HIVEP2: variants seen among roughly 807,000 people sequenced by gnomAD.
HIVEP2 encodes transcription factor HIVEP2.
HIVEP2 carries 14 observed loss-of-function variants against 180.7 expected under a neutral mutation model. The ratio of observed to expected loss-of-function variants is 0.08; its 90% CI spans 0.05 to 0.12. The LOEUF (loss-of-function observed/expected upper bound fraction) is 0.12, where lower values mean the gene tolerates loss of function less well. HIVEP2 is among the 10% of genes least tolerant of loss of function. HIVEP2 has a pLI of 1.00. For missense variants in HIVEP2, 2,579 were observed against 3,008.5 expected, an observed-to-expected ratio of 0.86 and a Z score of 3.34; for synonymous variants, 1,184 against 1,136.4, an observed-to-expected ratio of 1.04 and a Z score of -0.84.
At chr6:142,874,039 T>C (rs1776364852) in intron 1 of HIVEP2, among the ~76,000 whole-genome samples, 1 of 152,194 alleles carries the variant, frequency 6.6e-6, no homozygotes, top group South Asian at 2.1e-4. Flanking sequence ...CCATTTGCTA[T>C]TAAAAGAACC....
rs981210406 is a variant in HIVEP2 at position 142,891,762 on chromosome 6, C to T, written c.-641+53337G>A. Among the ~76,000 whole-genome samples, 11 of 152,182 alleles carry T rather than the reference C, an allele frequency of 7.2e-5. 1 individual carries two copies. In the South Asian group the frequency reaches 1.0e-3, roughly 14 times the overall value. Reference sequence around the variant, plus strand: ...CTCTTATTCTGCAATTCAGCTAATTCGGCAACATCGCTGAGACACGGCCCC... The same window carrying T: ...CTCTTATTCTGCAATTCAGCTAATTTGGCAACATCGCTGAGACACGGCCCC... On this transcript the variant is annotated intron_variant, in intron 1 of 9. Transcript: ENST00000367603.
intron 9 of HIVEP2, among the ~76,000 whole-genome samples, chr6:142,755,968 ATTGTT>A (rs534258489): frequency 5.1e-4 from 77 of 152,282 alleles, no homozygotes; most frequent in Admixed American, 8.5e-4. Context: ...TTGCAATCCT[ATTGTT>A]TTGTAATTTG....
At chr6:142,874,871 G>A (rs1776389228) in intron 1 of HIVEP2, among the ~76,000 whole-genome samples, 1 of 152,188 alleles carries the variant, frequency 6.6e-6, no homozygotes, top group Admixed American at 6.5e-5. Flanking sequence ...TGACACCTTT[G>A]GTTTACAGAT....
At chr6:142,758,192 A>T (rs896425660) in intron 9 of HIVEP2, among the ~76,000 whole-genome samples, 1 of 152,224 alleles carries the variant, frequency 6.6e-6, no homozygotes, top group African/African-American at 2.4e-5. Flanking sequence ...AAACCTGTGG[A>T]AATGTATCTC....
rs893464092 is a variant in HIVEP2 at position 142,772,885 on chromosome 6, G to A, written c.1854C>T (p.Ile618=). 2.0e-5 allele frequency: 32 copies of A among 1,614,040 alleles called. No homozygotes were observed. The highest frequency in any genetic ancestry group is 1.6e-4 in the Middle Eastern group (1 of 6,084). Residue 618 remains isoleucine (I), a synonymous_variant, in exon 5 of 10, where the codon ATC becomes ATT. Coordinates refer to ENST00000367603, the MANE Select transcript of HIVEP2 (RefSeq NM_006734.4). This position sits in a 1 kb window ranked among gnomAD's most constrained non-coding sequence, Gnocchi z 4.9. ...VEHHGRMLKG[I]SSSSLKEKKL... The stretch of plus-strand genomic sequence containing the variant: ...TCTTTTCCTTCAGGGATGAACTGCT[G>A]ATACCCTTCAACATCCTGCCATGGT...
intron 1 of HIVEP2, among the ~76,000 whole-genome samples, chr6:142,904,686 C>A (rs892624935): frequency 2.0e-5 from 3 of 152,048 alleles, no homozygotes; most frequent in African/African-American, 7.2e-5. Flanking sequence ...CCCTTTTTAC[C>A]CTTTAAAAGA....
At chr6:142,834,002 A>G (rs1775160301) in intron 2 of HIVEP2, among the ~76,000 whole-genome samples, 1 of 152,242 alleles carries the variant, frequency 6.6e-6, no homozygotes, top group Admixed American at 6.5e-5. Flanking sequence ...TTTGAAGGCC[A>G]CAATATACTG....
intron 1 of HIVEP2, among the ~76,000 whole-genome samples, chr6:142,877,459 A>C (rs1454704921): frequency 1.3e-5 from 2 of 152,200 alleles, no homozygotes; most frequent in Admixed American, 6.5e-5. Flanking sequence ...GTAATATCAC[A>C]GTTCAGAACT....
Position 142,770,498 on chromosome 6 carries a change from G to A in HIVEP2, c.4241C>T (p.Pro1414Leu). ...YPIWKAPQTL[P>L]LGLESSIPLC... ...GGGGATGGAGGATTCTAAGCCGAGG[G>A]GCAAAGTCTGAGGTGCTTTCCAAAT... Residue 1414 changes from proline to leucine, a missense_variant, in exon 5 of 10, where the codon CCC becomes CTC. This residue lies in a region of HIVEP2 where 523 missense variants were observed against 577.0 expected (regional missense o/e 0.91). Coordinates refer to ENST00000367603, the MANE Select transcript of HIVEP2 (RefSeq NM_006734.4). This position sits in a 1 kb window ranked among gnomAD's most constrained non-coding sequence, Gnocchi z 4.7. 1 of 1,614,158 alleles carries A rather than the reference G, an allele frequency of 6.2e-7. No individual in the cohort carries two copies.
Position 142,770,704 on chromosome 6 carries a change from A to G in HIVEP2, c.4035T>C (p.Tyr1345=), listed in dbSNP as rs1024525053. The G allele has an allele frequency of 1.2e-6, 2 of 1,614,106 alleles. No individual in the cohort carries two copies. The highest frequency in any genetic ancestry group is 1.7e-6 in the Non-Finnish European group (2 of 1,180,046). The change falls in exon 5 of 10, where the codon TAT becomes TAC. Residue 1345 remains tyrosine (Y), a synonymous_variant. Coordinates refer to ENST00000367603, the MANE Select transcript of HIVEP2 (RefSeq NM_006734.4). This position sits in a 1 kb window ranked among gnomAD's most constrained non-coding sequence, Gnocchi z 4.7. ...PVRIQTHVPS[Y]GSVMYTSISQ... ...AAATGCTTGTGTACATGACACTTCC[A>G]TAGGATGGTACGTGCGTCTGGATCC... is the stretch of plus-strand genomic sequence containing the variant.
In HIVEP2 at chr6:142,857,496, T is replaced by C. The variant is rs114554910; in HGVS notation, c.-640-20449A>G. On this transcript the variant is annotated intron_variant, in intron 1 of 9. Coordinates refer to ENST00000367603, the MANE Select transcript of HIVEP2 (RefSeq NM_006734.4). ...AATTATGCCTGCCTGTCTATAGGTT[T>C]GTCAGCTAAAGAAATCCACAGACGG... 5.1e-3 allele frequency among the ~76,000 whole-genome samples: 781 copies of C among 152,302 alleles called. 6 individuals are homozygous for C. Among genetic ancestry groups the C allele is most frequent in the African/African-American group, 0.016 (681 of 41,550 alleles).
At position 142,914,550 on chromosome 6, in the gene HIVEP2, T is replaced by C. The variant is rs535715551; in HGVS notation, c.-641+30549A>G. Reference sequence around the variant, plus strand: ...CAGACAATCAACACATTTTTACTCATAAACTGTGTGTTAAAATGATGGCTG... The same window carrying C: ...CAGACAATCAACACATTTTTACTCACAAACTGTGTGTTAAAATGATGGCTG... On this transcript the variant is annotated intron_variant, in intron 1 of 9. Coordinates refer to ENST00000367603, the MANE Select transcript of HIVEP2 (RefSeq NM_006734.4). Among the ~76,000 whole-genome samples the C allele has an allele frequency of 3.6e-4, 55 of 152,332 alleles. No individual in the cohort carries two copies. In the South Asian group the frequency reaches 7.2e-3, roughly 20 times the overall value.
intron 6 of HIVEP2, among the ~76,000 whole-genome samples, chr6:142,765,741 T>C (rs968383836): frequency 6.6e-6 from 1 of 152,232 alleles, no homozygotes; most frequent in Admixed American, 6.5e-5. Context: ...TCTTGCTTAA[T>C]CAAATCGGCT....
At chr6:142,919,930 CA>C (rs1217208572) in intron 1 of HIVEP2, among the ~76,000 whole-genome samples, 1 of 152,140 alleles carries the variant, frequency 6.6e-6, no homozygotes, top group Non-Finnish European at 1.5e-5. Flanking sequence ...TTAACCTATT[CA>C]AAGGATGTAA....
At chr6:142,926,301 T>C (rs547584192) in intron 1 of HIVEP2, among the ~76,000 whole-genome samples, 1 of 152,318 alleles carries the variant, frequency 6.6e-6, no homozygotes, top group East Asian at 1.9e-4. Context: ...TAGTATTCTT[T>C]TAAACCAAAT....
At chr6:142,839,760 C>G (rs996002400) in intron 1 of HIVEP2, among the ~76,000 whole-genome samples, 6 of 152,066 alleles carry the variant, frequency 3.9e-5, no homozygotes, top group African/African-American at 1.4e-4. Flanking sequence ...ACCACACTCT[C>G]GAGTAAGCCT....
Position 142,819,042 on chromosome 6 carries a change from G to A in HIVEP2, c.-528+17893C>T, listed in dbSNP as rs1776951928. 2.8e-5 allele frequency among the ~76,000 whole-genome samples: 4 copies of A among 143,314 alleles called. No homozygotes were observed. In the South Asian group the frequency reaches 9.5e-4, roughly 34 times the overall value. 94.0% of individuals were successfully genotyped at this position (143,314 alleles called of 152,430 possible). A position where few individuals can be genotyped will look rare whatever the true frequency, so the allele number is the denominator to read the frequency against. ...GAAGGGAGGCAGGGAAGAAGGGAGA[G>A]AGGGAGGGAGGGCGGGAAGGAGGGA... On this transcript the variant is annotated intron_variant, in intron 2 of 9. Transcript: ENST00000367603.
rs548569877 is a variant in HIVEP2 at position 142,760,557 on chromosome 6, T to C, written c.5731A>G (p.Asn1911Asp). The C allele has an allele frequency of 6.2e-7, 1 of 1,612,290 alleles. No homozygotes were observed. Among genetic ancestry groups the C allele is most frequent in the Admixed American group, 1.7e-5 (1 of 59,992 alleles). ...TCTTCATCTTCATCATCATCATCAT[T>C]ATCATCTCCATCCTCACCATCTGAT... ...EESDGEDGDD[N>D]DDDDEDEDDF... is the part of the protein sequence containing the mutation. The change falls in exon 9 of 10, where the codon AAT (asparagine) becomes GAT (aspartate). Residue 1911 changes from asparagine (N) to aspartate (D), a missense_variant. Around this residue, in one of 11 missense-constraint regions of HIVEP2, gnomAD observed 660 missense variants for 731.7 expected, o/e 0.90. Transcript: ENST00000367603.
At position 142,896,545 on chromosome 6, in the gene HIVEP2, ACT is replaced by A. The variant is rs1049040995; in HGVS notation, c.-641+48552_-641+48553del. ...CTCATTCCAGGATGCTCTGCTCAGC[ACT>A]CTCTGCCATTTCCTTCAGAGACAAT... On this transcript the variant is annotated intron_variant, in intron 1 of 9. Coordinates refer to ENST00000367603, the MANE Select transcript of HIVEP2 (RefSeq NM_006734.4). Among the ~76,000 whole-genome samples, 9 of 151,962 alleles carry A rather than the reference ACT, an allele frequency of 5.9e-5. No homozygotes were observed. In the South Asian group the frequency reaches 6.2e-4, roughly 11 times the overall value.
Sources: gnomAD v4.1 joint callset for allele counts (sites outside exome capture counted in the v4.1 genomes callset) on GRCh38, gnomAD v4.1.1 for gene constraint, gnomAD v4.1.1 regional missense constraint, Gnocchi (gnomAD v3.1) non-coding constraint, MANE v1.5 for transcripts, NCBI Gene and HGNC (gene_info 2026-07-23, HGNC 2026-07-21) for gene names.